Variants in TMEM163 observed in about 807,000 individuals in gnomAD.
TMEM163 encodes transmembrane protein 163.
Under a neutral mutation model 29.3 loss-of-function variants are expected in TMEM163, and 17 were observed. That is an observed-to-expected ratio of 0.58 (90% CI 0.40 to 0.87). The LOEUF is 0.87. Among genes scored for constraint, TMEM163 ranks in the 40% least tolerant of loss-of-function variants. TMEM163 has a pLI of 0.00. For synonymous variants in TMEM163, 157 were observed against 160.6 expected, an observed-to-expected ratio of 0.98 and a Z score of 0.17; for missense variants, 303 against 381.5, an observed-to-expected ratio of 0.79 and a Z score of 1.71.
At chr2:134,561,173 C>A (rs1427860674) in intron 2 of TMEM163, among the ~76,000 whole-genome samples, 1 of 152,188 alleles carries the variant, frequency 6.6e-6, no homozygotes, top group African/African-American at 2.4e-5. Flanking sequence ...CACGCCAGAG[C>A]TAAAAGTAGC....
rs530966927 is a variant in TMEM163, at chr2:134,524,454, C to T, written c.459-21457G>A. Among the ~76,000 whole-genome samples the T allele has an allele frequency of 2.1e-4, 31 of 150,332 alleles. 2 individuals are homozygous for T. The highest frequency in any genetic ancestry group is 7.6e-4 in the African/African-American group (31 of 40,986). ...AGGTAACATGTGCCATGGTGGTTTG[C>T]TGCACCCATCAACACATCACCTAGG... On this transcript the variant is annotated intron_variant, in intron 4 of 7. Coordinates refer to ENST00000281924, the MANE Select transcript of TMEM163 (RefSeq NM_030923.5).
intron 2 of TMEM163, among the ~76,000 whole-genome samples, chr2:134,639,332 A>G (rs1182087443): frequency 6.6e-6 from 1 of 152,248 alleles, no homozygotes; most frequent in African/African-American, 2.4e-5. Context: ...GATAACTGAT[A>G]TATAGCAAAA....
chr2:134,572,357 T>C (rs1041525774), intron 2 of TMEM163, among the ~76,000 whole-genome samples: 19 of 152,332 alleles, frequency 1.2e-4, no homozygotes, highest in Non-Finnish European at 2.5e-4. Flanking sequence ...CATGGCAACA[T>C]TAATTACATC....
In TMEM163 at chr2:134,465,189, T is replaced by TA. The variant is rs1181405890; in HGVS notation, c.667+924dup. Among the ~76,000 whole-genome samples the TA allele has an allele frequency of 5.3e-3, 623 of 117,594 alleles. 7 individuals carry two copies. The highest frequency in any genetic ancestry group is 0.044 in the Middle Eastern group (9 of 206). The allele number at this position is 117,594 out of a possible 152,430, so 77.1% of individuals were successfully genotyped here. On this transcript the variant is annotated intron_variant, in intron 6 of 7. Coordinates refer to ENST00000281924, the MANE Select transcript of TMEM163 (RefSeq NM_030923.5). ...CAACAACATGGTGAGTCCGCATCTT[T>TA]AAAAAAAAAAAAAACAAAAACAAAA... is the stretch of plus-strand genomic sequence containing the variant.
chr2:134,570,495 T>TATACATATACAC (rs1558948939), intron 2 of TMEM163, among the ~76,000 whole-genome samples: 1 of 136,358 alleles, frequency 7.3e-6, no homozygotes, highest in African/African-American at 3.7e-5. Flanking sequence ...TACATATACA[T>TATACATATACAC]ATACATATAC....
In TMEM163 at chr2:134,557,515, T is replaced by C. The variant is rs76391124; in HGVS notation, c.323-5424A>G. Among the ~76,000 whole-genome samples, 1,830 of 152,302 alleles carry C rather than the reference T, an allele frequency of 0.012. 179 individuals carry two copies. In the East Asian group the frequency reaches 0.23, roughly 19 times the overall value. On this transcript the variant is annotated intron_variant, in intron 2 of 7. Coordinates refer to ENST00000281924, the MANE Select transcript of TMEM163 (RefSeq NM_030923.5). ...GGGAGACATGAGGCATCTATCAATA[T>C]GTGTAAGATATATATTCGTTCTGTT... is the stretch of plus-strand genomic sequence containing the variant.
intron 5 of TMEM163, among the ~76,000 whole-genome samples, chr2:134,478,967 G>C (rs1310204869): frequency 1.3e-5 from 2 of 152,194 alleles, no homozygotes; most frequent in Non-Finnish European, 2.9e-5. Flanking sequence ...GAAGGGGTCA[G>C]TTCTGGGGAT....
At chr2:134,684,988 C>T (rs752649166) in intron 2 of TMEM163, among the ~76,000 whole-genome samples, 2 of 151,470 alleles carry the variant, frequency 1.3e-5, no homozygotes, top group African/African-American at 2.4e-5. Context: ...TACACAAACA[C>T]GGCACTCCAA....
At chr2:134,650,954 T>C (rs1375403679) in intron 2 of TMEM163, among the ~76,000 whole-genome samples, 2 of 115,814 alleles carry the variant, frequency 1.7e-5, no homozygotes, top group East Asian at 2.1e-4. Context: ...TGTTGGACAT[T>C]TGGGTTGGTT....
At chr2:134,703,583 T>A (rs1171902610) in intron 2 of TMEM163, among the ~76,000 whole-genome samples, 1 of 152,096 alleles carries the variant, frequency 6.6e-6, no homozygotes, top group African/African-American at 2.4e-5. Flanking sequence ...ATGCAGGAAG[T>A]CAGTCTGCTT....
intron 2 of TMEM163, among the ~76,000 whole-genome samples, chr2:134,657,747 G>A (rs1683652398): frequency 6.6e-6 from 1 of 152,194 alleles, no homozygotes; most frequent in Non-Finnish European, 1.5e-5. Flanking sequence ...AGGTTGCAGT[G>A]AGCCAAGATC....
intron 2 of TMEM163, among the ~76,000 whole-genome samples, chr2:134,636,773 TA>T (rs1040190147): frequency 1.5e-4 from 23 of 152,346 alleles, no homozygotes; most frequent in African/African-American, 5.1e-4. Context: ...ATTACTATTA[TA>T]AAACCTAAGA....
At chr2:134,631,984 C>T (rs1036803025) in intron 2 of TMEM163, among the ~76,000 whole-genome samples, 3 of 152,110 alleles carry the variant, frequency 2.0e-5, no homozygotes, top group East Asian at 1.9e-4. Flanking sequence ...TCAGTCACCA[C>T]GGTACATGTA....
intron 2 of TMEM163, among the ~76,000 whole-genome samples, chr2:134,606,704 T>A (rs1417172732): frequency 4.6e-5 from 7 of 151,500 alleles, no homozygotes; most frequent in African/African-American, 1.7e-4. Flanking sequence ...ACAGGGAAAA[T>A]CAAGAGGGTC....
intron 2 of TMEM163, among the ~76,000 whole-genome samples, chr2:134,577,632 C>T (rs1681588909): frequency 6.6e-6 from 1 of 152,198 alleles, no homozygotes; most frequent in African/African-American, 2.4e-5. Flanking sequence ...CCTTTTCACA[C>T]TGCAGGTCTC....
At chr2:134,526,467 C>A (rs479980) in intron 4 of TMEM163, among the ~76,000 whole-genome samples, 109,711 of 151,972 alleles carry the variant, frequency 0.72, 41,582 homozygotes, top group East Asian at 0.99. Context: ...GAAGGTTTCA[C>A]AGAAAAACCT....
At chr2:134,635,175 G>A (rs948471976) in intron 2 of TMEM163, among the ~76,000 whole-genome samples, 4 of 152,162 alleles carry the variant, frequency 2.6e-5, no homozygotes, top group African/African-American at 4.8e-5. Context: ...CATCTACATC[G>A]AAAATTGAGA....
At chr2:134,509,197 T>C (rs1345398770) in intron 4 of TMEM163, among the ~76,000 whole-genome samples, 1 of 152,226 alleles carries the variant, frequency 6.6e-6, no homozygotes, top group Non-Finnish European at 1.5e-5. Context: ...ATCTACTGAG[T>C]ATTGCAAATG....
chr2:134,540,071 AG>A (rs1194746662), intron 4 of TMEM163, among the ~76,000 whole-genome samples: 2 of 152,224 alleles, frequency 1.3e-5, no homozygotes, highest in African/African-American at 4.8e-5. Context: ...CAAGTGTCCA[AG>A]GGTAACCATC....
Sources: gnomAD v4.1 joint callset for allele counts (sites outside exome capture counted in the v4.1 genomes callset) on GRCh38, gnomAD v4.1.1 for gene constraint, MANE v1.5 for transcripts, NCBI Gene and HGNC (gene_info 2026-07-23, HGNC 2026-07-21) for gene names.